Variants in DICER1 observed in about 807,000 individuals in gnomAD.
The protein encoded by DICER1 is dicer 1, ribonuclease III.
In DICER1, 43 loss-of-function variants were observed where a neutral mutation model predicts 194.1. The ratio of observed to expected loss-of-function variants is 0.22; its 90% confidence interval spans 0.17 to 0.29. DICER1 has a LOEUF of 0.29. Ranked by LOEUF, DICER1 falls within the 10% of genes least tolerant of loss-of-function variation. The probability of loss-of-function intolerance (pLI) is 1.00; values close to 1 mark genes in which losing one functional copy is unlikely to be tolerated. For missense variants in DICER1, 1,608 were observed against 2,317.0 expected (o/e 0.69, Z 6.28); for synonymous variants, 832 against 820.5 (o/e 1.01, Z -0.24).
chr14:95,091,554 C>T (rs1889843587), intron 24 of DICER1, 189 bp from the exon 25 acceptor site: 1 of 590,402 alleles, frequency 1.7e-6, no homozygotes, highest in Admixed American at 3.3e-5. Context: ...GTTTTTCAAA[C>T]TTCTCAAGAA....
Position 95,086,903 on chromosome 14 carries a change from A to G in DICER1, c.*3595T>C, listed in dbSNP as rs1350983083. ...CAACCATATAGGTAATAAACATGAC[A>G]TGAGTTTCTCTTCTGCAGATAATGC... On this transcript the variant is annotated 3_prime_UTR_variant, in exon 27 of 27. Transcript: ENST00000343455. 4 of 232,794 alleles carry G rather than the reference A, an allele frequency of 1.7e-5. No individual in the cohort carries two copies. The highest frequency in any genetic ancestry group is 2.5e-5 in the Non-Finnish European group (3 of 117,850). The allele number at this position is 232,794 out of a possible 1,614,324, so 14.4% of individuals were successfully genotyped here. A position where few individuals can be genotyped will look rare whatever the true frequency, so the allele number is the denominator to read the frequency against.
chr14:95,147,637 A>C (rs959731224), intron 1 of DICER1, among the ~76,000 whole-genome samples: 5 of 152,212 alleles, frequency 3.3e-5, no homozygotes, highest in African/African-American at 1.2e-4. Context: ...TCAATTCTGC[A>C]GCGGACACCA....
intron 15 of DICER1, 100 bp from the exon 16 acceptor site, chr14:95,108,193 T>C (rs764900750): frequency 2.7e-5 from 35 of 1,282,418 alleles, no homozygotes; most frequent in East Asian, 4.7e-5. Flanking sequence ...AGTGGAGAAA[T>C]AGAAGAGGCA....
Position 95,116,058 on chromosome 14 carries a change from GACAC to G in DICER1, c.1753-241_1753-238del, listed in dbSNP as rs150390018. ...GTCTATACTGTACCGTGCCTACACA[GACAC>G]ACACACACACACACACACACACACA... On this transcript the variant is annotated intron_variant, in intron 10 of 26. Coordinates refer to ENST00000343455, the MANE Select transcript of DICER1 (RefSeq NM_177438.3). 0.01 allele frequency among the ~76,000 whole-genome samples: 1,443 copies of G among 142,962 alleles called. 24 individuals are homozygous for G. Among genetic ancestry groups the G allele is most frequent in the African/African-American group, 0.032 (1,286 of 39,572 alleles). The allele number at this position is 142,962 out of a possible 152,430, so 93.8% of individuals were successfully genotyped here. A position where few individuals can be genotyped will look rare whatever the true frequency, so the allele number is the denominator to read the frequency against.
At position 95,105,800 on chromosome 14, in the gene DICER1, A is replaced by T. The variant is rs748162049; in HGVS notation, c.2988-17T>A. Reference sequence around the variant, plus strand: ...AGATTAAGTCTGTAAGAATTCCAAAACAATTTTATCAAACACACAAAAATG... The same window carrying T: ...AGATTAAGTCTGTAAGAATTCCAAATCAATTTTATCAAACACACAAAAATG... On this transcript the variant is annotated splice_polypyrimidine_tract_variant and intron_variant, in intron 18 of 26. Coordinates refer to ENST00000343455, the MANE Select transcript of DICER1 (RefSeq NM_177438.3). This position sits in a 1 kb window ranked among gnomAD's most constrained non-coding sequence, Gnocchi z 4.9. The T allele has an allele frequency of 1.9e-6, 3 of 1,602,276 alleles. No homozygotes were observed. In the South Asian group the frequency reaches 3.3e-5, roughly 18 times the overall value.
In DICER1 at chr14:95,129,542, T is replaced by C. The variant is rs752322804; in HGVS notation, c.664A>G (p.Lys222Glu). 6.2e-7 allele frequency: 1 copy of C among 1,613,940 alleles called. No homozygotes were observed. The highest frequency in any genetic ancestry group is 2.2e-5 in the East Asian group (1 of 44,846). The part of the protein sequence containing the change: ...GKCDPEELEE[K>E]IQKLEKILKS... ...AGAATTTTCTCTAGTTTCTGAATCT[T>C]TTCTTCCAATTCCTCTGGATCACAT... Residue 222 changes from lysine to glutamate, a missense_variant, in exon 6 of 27, where the codon AAG (lysine) becomes GAG (glutamate). Around this residue, in one of 10 missense-constraint regions of DICER1, gnomAD observed 657 missense variants for 910.1 expected, o/e 0.72. Transcript: ENST00000343455.
Position 95,096,195 on chromosome 14 carries a change from C to T in DICER1, c.4725G>A (p.Gly1575=), listed in dbSNP as rs1288597911. 1.2e-6 allele frequency: 2 copies of T among 1,614,100 alleles called. No homozygotes were observed. The highest frequency in any genetic ancestry group is 2.7e-5 in the African/African-American group (2 of 74,942). Residue 1575 remains glycine, a synonymous_variant, in exon 23 of 27, where the codon GGG becomes GGA. Transcript: ENST00000343455. ...ALLGCYLTSC[G]ERAAQLFLCS... ...AGAGGAAAAGCTGAGCAGCCCTCTC[C>T]CCACAGCTGGTTAAATAGCAGCCCA...
intron 17 of DICER1, 79 bp from the exon 18 acceptor site, chr14:95,106,302 A>G: frequency 9.5e-7 from 1 of 1,050,138 alleles, no homozygotes; most frequent in Admixed American, 1.9e-5. Flanking sequence ...TGTTTGTAGT[A>G]TGGAAATGAT....
rs769125146 is a variant in DICER1, at chr14:95,094,167, C to A, written c.5096-11G>T. 1 of 1,614,044 alleles carries A rather than the reference C, an allele frequency of 6.2e-7. No individual in the cohort carries two copies. The highest frequency in any genetic ancestry group is 8.5e-7 in the Non-Finnish European group (1 of 1,180,026). ...AGCGCTGGTAACAATCTGAGGGGAT[C>A]CGAAGTGGAACCGTAAGCTTGTGCA... On this transcript the variant is annotated splice_polypyrimidine_tract_variant and intron_variant, in intron 23 of 26. Transcript: ENST00000343455.
intron 15 of DICER1, 63 bp downstream of exon 15, chr14:95,108,257 GTTTT>G (rs34975585): frequency 5.9e-6 from 7 of 1,193,030 alleles, no homozygotes; most frequent in Non-Finnish European, 6.0e-6. Context: ...CTTACTACTA[GTTTT>G]TTTTTTTTTC....
intron 1 of DICER1, 41 bp from the exon 2 acceptor site, chr14:95,133,544 G>T (rs1894139062): frequency 7.1e-7 from 1 of 1,410,968 alleles, no homozygotes. Context: ...AATCATGCAG[G>T]GTTAAAAACA....
At chr14:95,115,593 TAC>T (rs1892366865) in intron 11 of DICER1, 72 bp downstream of exon 11, 1 of 1,532,278 alleles carries the variant, frequency 6.5e-7, no homozygotes, top group African/African-American at 1.4e-5. Flanking sequence ...ATGTCAACAA[TAC>T]AAAATGTACA....
intron 17 of DICER1, among the ~76,000 whole-genome samples, chr14:95,107,071 A>G (rs1004670998): frequency 8.5e-5 from 13 of 152,070 alleles, no homozygotes; most frequent in African/African-American, 2.9e-4. Context: ...GCTGGAGTGT[A>G]GTGGTGTGAT....
At chr14:95,126,774 C>G (rs1291058504) in intron 6 of DICER1, 26 bp from the exon 7 acceptor site, 2 of 1,276,456 alleles carry the variant, frequency 1.6e-6, no homozygotes, top group East Asian at 3.3e-5. Flanking sequence ...CAAAAGGTAT[C>G]AATACTGCAG....
At chr14:95,097,084 C>T (rs1449664514) in intron 22 of DICER1, among the ~76,000 whole-genome samples, 1 of 152,160 alleles carries the variant, frequency 6.6e-6, no homozygotes, top group African/African-American at 2.4e-5. Context: ...ATGCTGATCA[C>T]ACAGATCTTC....
intron 2 of DICER1, 116 bp from the exon 3 acceptor site, chr14:95,132,793 A>C (rs1208406700): frequency 9.7e-7 from 1 of 1,028,682 alleles, no homozygotes. Context: ...TCCTCCAATA[A>C]ATTTACAAAA....
rs528603414 is a variant in DICER1 at position 95,087,150 on chromosome 14, G to A, written c.*3348C>T. The A allele has an allele frequency of 5.6e-5, 13 of 233,088 alleles. No individual in the cohort carries two copies. Among genetic ancestry groups the A allele is most frequent in the African/African-American group, 1.1e-4 (5 of 45,322 alleles). 14.4% of individuals were successfully genotyped at this position (233,088 alleles called of 1,614,324 possible). ...CCTCCAGGGAGCGACTGAAGAAGCC[G>A]ACTGCCGGGGGAACACCTGGATTCA... On this transcript the variant is annotated 3_prime_UTR_variant, in exon 27 of 27. Coordinates refer to ENST00000343455, the MANE Select transcript of DICER1 (RefSeq NM_177438.3).
At chr14:95,112,485 G>A (rs1892066740) in intron 12 of DICER1, among the ~76,000 whole-genome samples, 1 of 152,092 alleles carries the variant, frequency 6.6e-6, no homozygotes. Flanking sequence ...TTACAATTTT[G>A]ATGAATTTAA....
chr14:95,121,353 G>A (rs1219162250), intron 8 of DICER1, among the ~76,000 whole-genome samples: 1 of 152,200 alleles, frequency 6.6e-6, no homozygotes, highest in East Asian at 1.9e-4. Flanking sequence ...GAGGACATTA[G>A]TAGAAAAGCT....
Sources: gnomAD v4.1 joint callset for allele counts (sites outside exome capture counted in the v4.1 genomes callset) on GRCh38, gnomAD v4.1.1 for gene constraint, gnomAD v4.1.1 regional missense constraint, Gnocchi (gnomAD v3.1) non-coding constraint, MANE v1.5 for transcripts, NCBI Gene and HGNC (gene_info 2026-07-23, HGNC 2026-07-21) for gene names.